CSMD1: variants seen among roughly 807,000 people sequenced by gnomAD.
The protein encoded by CSMD1 is CUB and sushi domain-containing protein 1.
CSMD1 carries 213 observed loss-of-function variants against 417.5 expected under a neutral mutation model. That is an observed-to-expected ratio of 0.51 (90% CI 0.46 to 0.57). The LOEUF (loss-of-function observed/expected upper bound fraction) is 0.57. Ranked by LOEUF, CSMD1 falls within the 20% of genes least tolerant of loss-of-function variation. The pLI, the probability that CSMD1 is intolerant of heterozygous loss-of-function variation, is 0.00. For synonymous variants in CSMD1, 2,862 were observed against 1,736.8 expected (o/e 1.65, Z -16.11); for missense variants, 6,923 against 4,529.7 (o/e 1.53, Z -15.17).
intron 2 of CSMD1, among the ~76,000 whole-genome samples, chr8:4,617,994 G>A (rs575169459): frequency 6.6e-6 from 1 of 152,180 alleles, no homozygotes; most frequent in East Asian, 1.9e-4. Flanking sequence ...CTGCCTATTT[G>A]GATAAGATTT....
chr8:3,105,656 G>A (rs528170102), intron 46 of CSMD1, among the ~76,000 whole-genome samples: 12 of 152,306 alleles, frequency 7.9e-5, no homozygotes, highest in Non-Finnish European at 1.2e-4. Flanking sequence ...TTAAACATAT[G>A]TGAGAAAAAC....
At chr8:3,086,759 A>G (rs1164409735) in intron 49 of CSMD1, among the ~76,000 whole-genome samples, 1 of 152,258 alleles carries the variant, frequency 6.6e-6, no homozygotes, top group East Asian at 1.9e-4. Context: ...TGAGTTTTCC[A>G]GAAATTAATG....
chr8:3,470,526 C>T (rs965795943), intron 11 of CSMD1, among the ~76,000 whole-genome samples: 1 of 152,106 alleles, frequency 6.6e-6, no homozygotes, highest in East Asian at 1.9e-4. Context: ...CTGTTTTATT[C>T]GTATTTTGTA....
At chr8:2,949,873 T>C (rs545672323) in intron 67 of CSMD1, among the ~76,000 whole-genome samples, 1 of 152,250 alleles carries the variant, frequency 6.6e-6, no homozygotes, top group South Asian at 2.1e-4. Context: ...TGGGAATGAT[T>C]TCTTTTAGAA....
At chr8:4,838,018 C>A (rs1433820714) in intron 1 of CSMD1, among the ~76,000 whole-genome samples, 2 of 152,114 alleles carry the variant, frequency 1.3e-5, no homozygotes, top group African/African-American at 4.8e-5. Context: ...TTCTATGGGC[C>A]CAGGAGCTAA....
At chr8:4,905,805 G>A (rs1298667536) in intron 1 of CSMD1, among the ~76,000 whole-genome samples, 89 of 136,442 alleles carry the variant, frequency 6.5e-4, no homozygotes, top group Admixed American at 2.0e-3. Context: ...GGGCCACAGA[G>A]CGAGACTCCA....
At chr8:3,163,266 T>G (rs1298400223) in intron 37 of CSMD1, among the ~76,000 whole-genome samples, 1 of 152,210 alleles carries the variant, frequency 6.6e-6, no homozygotes, top group Non-Finnish European at 1.5e-5. Context: ...TAGGCCAGCT[T>G]CACATTCTTT....
chr8:4,872,599 T>G (rs1032540348), intron 1 of CSMD1, among the ~76,000 whole-genome samples: 1 of 152,054 alleles, frequency 6.6e-6, no homozygotes, highest in African/African-American at 2.4e-5. Context: ...CTTTATAAAT[T>G]ACCCAGTCTC....
intron 3 of CSMD1, among the ~76,000 whole-genome samples, chr8:4,132,920 G>A (rs977318852): frequency 1.3e-5 from 2 of 151,980 alleles, no homozygotes; most frequent in East Asian, 1.9e-4. Context: ...TGAAGACTAT[G>A]GTAAAAGTCA....
chr8:3,612,407 A>T (rs554251784), intron 8 of CSMD1, among the ~76,000 whole-genome samples: 2 of 152,262 alleles, frequency 1.3e-5, no homozygotes, highest in East Asian at 3.9e-4. Flanking sequence ...AGTGTTAAGA[A>T]AATTAGTAGG....
chr8:3,356,049 G>C (rs1029474878), intron 21 of CSMD1, among the ~76,000 whole-genome samples: 11 of 152,112 alleles, frequency 7.2e-5, no homozygotes, highest in African/African-American at 1.9e-4. Context: ...TTGATAGAGA[G>C]AGAAATAGTT....
At chr8:4,941,530 C>G (rs1444000126) in intron 1 of CSMD1, among the ~76,000 whole-genome samples, 1 of 152,102 alleles carries the variant, frequency 6.6e-6, no homozygotes, top group Non-Finnish European at 1.5e-5. Flanking sequence ...TGTTGTGTTT[C>G]TTCTGCAGTC....
intron 1 of CSMD1, among the ~76,000 whole-genome samples, chr8:4,820,801 A>C (rs570059419): frequency 6.6e-6 from 1 of 152,332 alleles, no homozygotes; most frequent in African/African-American, 2.4e-5. Flanking sequence ...CAAGACAATA[A>C]GATGAAGACA....
chr8:3,613,244 G>A (rs1036822708), intron 8 of CSMD1: 4 of 423,944 alleles, frequency 9.4e-6, no homozygotes, highest in African/African-American at 8.3e-5. Context: ...AAGCCTGTAA[G>A]TAGAAAAGAA....
chr8:4,547,168 TC>T (rs1365687794), intron 2 of CSMD1, among the ~76,000 whole-genome samples: 1 of 152,164 alleles, frequency 6.6e-6, no homozygotes, highest in Non-Finnish European at 1.5e-5. Context: ...TCTGTCTCTA[TC>T]CCAACCCGTC....
At chr8:3,094,800 CAAAAAAAA>C (rs33991879) in intron 47 of CSMD1, among the ~76,000 whole-genome samples, 2 of 105,378 alleles carry the variant, frequency 1.9e-5, no homozygotes, top group South Asian at 6.2e-4. Context: ...GCCCGTCTTA[CAAAAAAAA>C]AAAAAAAAAA....
chr8:4,170,184 C>T lies in CSMD1; in HGVS notation c.416-138085G>A, dbSNP rs1797691751. Among the ~76,000 whole-genome samples the T allele has an allele frequency of 1.3e-5, 2 of 151,828 alleles. 1 individual carries two copies. Among genetic ancestry groups the T allele is most frequent in the South Asian group, 4.1e-4 (2 of 4,822 alleles). On this transcript the variant is annotated intron_variant, in intron 3 of 69. Coordinates refer to ENST00000635120, the MANE Select transcript of CSMD1 (RefSeq NM_033225.6). ...GTTGATAAGAGTGAAGGACCTTTCA[C>T]AGTCCACGCGTTTCTCTCTGCAGAA...
At chr8:3,873,044 C>T (rs574905581) in intron 5 of CSMD1, among the ~76,000 whole-genome samples, 1 of 151,800 alleles carries the variant, frequency 6.6e-6, no homozygotes, top group East Asian at 1.9e-4. Context: ...ATTAAAAAAT[C>T]AAACAACAAC....
At chr8:4,464,892 T>A (rs939622599) in intron 2 of CSMD1, among the ~76,000 whole-genome samples, 2 of 152,134 alleles carry the variant, frequency 1.3e-5, no homozygotes, top group Non-Finnish European at 2.9e-5. Context: ...TAGTTTTTAT[T>A]AGTTTTATTA....
Sources: gnomAD v4.1 joint callset for allele counts (sites outside exome capture counted in the v4.1 genomes callset) on GRCh38, gnomAD v4.1.1 for gene constraint, MANE v1.5 for transcripts, NCBI Gene and HGNC (gene_info 2026-07-23, HGNC 2026-07-21) for gene names.